The following DIAPH2 variants were observed in gnomAD, a reference collection of about 807,000 sequenced individuals.
The protein encoded by DIAPH2 is protein diaphanous homolog 2.
A neutral mutation model predicts 92.7 loss-of-function variants in DIAPH2; 35 were observed. That is an observed-to-expected ratio of 0.38 (90% CI 0.29 to 0.50). The LOEUF (loss-of-function observed/expected upper bound fraction) is 0.50, where lower values mean the gene tolerates loss of function less well. Ranked by LOEUF, DIAPH2 falls within the 20% of genes least tolerant of loss-of-function variation. The pLI, the probability that DIAPH2 is intolerant of heterozygous loss-of-function variation, is 0.94. For missense variants in DIAPH2, 701 were observed against 819.5 expected (o/e 0.86, Z 1.77); for synonymous variants, 301 against 280.4 (o/e 1.07, Z -0.73).
chrX:97,519,366 A>G (rs1307054899), intron 26 of DIAPH2, among the ~76,000 whole-genome samples: 2 of 112,242 alleles, frequency 1.8e-5, no homozygotes, highest in African/African-American at 6.5e-5. Flanking sequence ...ATTCACATTT[A>G]TGGGTTATTT....
chrX:97,362,166 A>G (rs1160496360), intron 24 of DIAPH2, among the ~76,000 whole-genome samples: 2 of 109,690 alleles, frequency 1.8e-5, no homozygotes, highest in African/African-American at 6.7e-5. Flanking sequence ...TCTTGAACCC[A>G]GGAGGCGGAG....
intron 5 of DIAPH2, among the ~76,000 whole-genome samples, chrX:96,902,053 A>C (rs771271538): frequency 2.7e-5 from 3 of 112,122 alleles, no homozygotes; most frequent in Non-Finnish European, 5.6e-5. Flanking sequence ...CCCAAAAATC[A>C]TTCAAAACCA....
intron 18 of DIAPH2, among the ~76,000 whole-genome samples, chrX:97,074,616 A>G (rs770712862): frequency 4.5e-5 from 5 of 112,198 alleles, no homozygotes; most frequent in Admixed American, 9.4e-5. Flanking sequence ...GTGAGTCAAT[A>G]TATAAAGTAA....
intron 26 of DIAPH2, among the ~76,000 whole-genome samples, chrX:97,554,064 C>T (rs1047791300): frequency 9.0e-6 from 1 of 111,330 alleles, no homozygotes; most frequent in African/African-American, 3.3e-5. Context: ...CATTCATTTT[C>T]ATATTCTCCA....
chrX:97,017,092 T>G (rs2066265915), intron 17 of DIAPH2, among the ~76,000 whole-genome samples: 1 of 111,702 alleles, frequency 9.0e-6, no homozygotes, highest in Admixed American at 9.6e-5. Flanking sequence ...TTGCAGGAAT[T>G]TTTTAGGCAC....
intron 17 of DIAPH2, among the ~76,000 whole-genome samples, chrX:97,026,353 A>G (rs2066334908): frequency 8.9e-6 from 1 of 112,354 alleles, no homozygotes; most frequent in Non-Finnish European, 1.9e-5. Context: ...ATATATTTTG[A>G]TTATTTGTTG....
intron 24 of DIAPH2, among the ~76,000 whole-genome samples, chrX:97,350,837 C>A (rs928615191): frequency 8.9e-6 from 1 of 112,339 alleles, no homozygotes; most frequent in Non-Finnish European, 1.9e-5. Flanking sequence ...CTGCTGACTT[C>A]ACTGCACATG....
intron 17 of DIAPH2, among the ~76,000 whole-genome samples, chrX:97,058,981 A>T (rs1231513594): frequency 2.7e-5 from 3 of 111,995 alleles, no homozygotes; most frequent in Non-Finnish European, 5.6e-5. Context: ...TGGTAATTAG[A>T]GAAGATTTCA....
chrX:97,059,099 G>A (rs747783171), intron 17 of DIAPH2, among the ~76,000 whole-genome samples: 1 of 111,603 alleles, frequency 9.0e-6, no homozygotes, highest in Non-Finnish European at 1.9e-5. Flanking sequence ...CAGGAGTCCT[G>A]TCATACTTTT....
chrX:97,329,054 G>C (rs1359302125), intron 23 of DIAPH2, among the ~76,000 whole-genome samples: 1 of 111,911 alleles, frequency 8.9e-6, no homozygotes, highest in African/African-American at 3.2e-5. Context: ...GAAGATGAAA[G>C]AATCAGATTA....
chrX:96,726,025 T>A (rs1030595420), intron 1 of DIAPH2, among the ~76,000 whole-genome samples: 1 of 112,180 alleles, frequency 8.9e-6, no homozygotes, highest in Admixed American at 9.5e-5. Flanking sequence ...ATTTTTGCAT[T>A]ATAAAGATAG....
intron 23 of DIAPH2, among the ~76,000 whole-genome samples, chrX:97,305,798 T>C (rs766569028): frequency 2.1e-5 from 2 of 93,789 alleles, no homozygotes; most frequent in Non-Finnish European, 4.1e-5. Flanking sequence ...CACTCCAGCC[T>C]GGGCGACAGA....
chrX:96,883,100 T>A (rs1180446167), intron 5 of DIAPH2, among the ~76,000 whole-genome samples: 1 of 110,293 alleles, frequency 9.1e-6, no homozygotes, highest in Admixed American at 9.8e-5. Flanking sequence ...TTTCCTAATA[T>A]ATAATAGGTC....
At chrX:97,442,037 T>C (rs1381226642) in intron 26 of DIAPH2, 1 of 112,603 alleles carries the variant, frequency 8.9e-6, no homozygotes, top group African/African-American at 3.2e-5. Flanking sequence ...ATGTTCTCTA[T>C]AGAAATTTCA....
chrX:97,584,495 T>C (rs2147882157), intron 26 of DIAPH2, among the ~76,000 whole-genome samples: 1 of 112,639 alleles, frequency 8.9e-6, no homozygotes, highest in Admixed American at 9.3e-5. Flanking sequence ...GATTTAATAG[T>C]AGAGCTTCAG....
At chrX:97,589,009 A>ATATATATATG (rs1417452669) in intron 26 of DIAPH2, among the ~76,000 whole-genome samples, 1 of 72,077 alleles carries the variant, frequency 1.4e-5, no homozygotes, top group East Asian at 5.2e-4. Flanking sequence ...ATATATATAT[A>ATATATATATG]TATATATATA....
intron 16 of DIAPH2, among the ~76,000 whole-genome samples, chrX:96,962,364 T>TACATATATATATAC: frequency 1.5e-5 from 1 of 64,667 alleles, no homozygotes; most frequent in African/African-American, 6.8e-5. Context: ...CATATATATA[T>TACATATATATATAC]ACACATATAT....
intron 17 of DIAPH2, among the ~76,000 whole-genome samples, chrX:96,976,270 A>G (rs1214146881): frequency 9.8e-6 from 1 of 102,429 alleles, no homozygotes; most frequent in Non-Finnish European, 2.0e-5. Context: ...CCTGGGCGAC[A>G]GAGCGAGACT....
intron 1 of DIAPH2, among the ~76,000 whole-genome samples, chrX:96,695,414 GCCTATA>G (rs928545038): frequency 8.9e-6 from 1 of 112,330 alleles, no homozygotes; most frequent in Non-Finnish European, 1.9e-5. Flanking sequence ...CTTCATTACA[GCCTATA>G]CTTGCTTCAT....
Sources: allele counts gnomAD v4.1 joint callset (sites outside exome capture counted in the v4.1 genomes callset), GRCh38; gene constraint gnomAD v4.1.1; transcripts MANE v1.5; gene names NCBI Gene and HGNC (gene_info 2026-07-23, HGNC 2026-07-21).